The following LAMA1 variants were observed in gnomAD, a reference collection of about 807,000 sequenced individuals.
LAMA1 encodes the protein laminin subunit alpha 1.
In LAMA1, 219 loss-of-function variants were observed where a neutral mutation model predicts 348.7. The ratio of observed to expected loss-of-function variants is 0.63; its 90% CI spans 0.56 to 0.70. The LOEUF is 0.70. Among genes scored for constraint, LAMA1 ranks in the 30% least tolerant of loss-of-function variants. The probability of loss-of-function intolerance (pLI) is 0.00; values close to 1 mark genes in which losing one functional copy is unlikely to be tolerated. For missense variants in LAMA1, 3,744 were observed against 3,888.0 expected (o/e 0.96, Z 0.99); for synonymous variants, 1,487 against 1,491.0 (o/e 1.00, Z 0.06).
rs902096634 is a variant in LAMA1, at chr18:7,085,547, T to G, written c.62-5090A>C. 2.6e-5 allele frequency among the ~76,000 whole-genome samples: 4 copies of G among 151,206 alleles called. No homozygotes were observed. The Admixed American group carries it at 2.6e-4, about 10-fold the overall frequency. On this transcript the variant is annotated intron_variant, in intron 1 of 62. Transcript: ENST00000389658. The stretch of plus-strand genomic sequence containing the variant: ...CATTCTCCTGTCTCAGCCTCCAGAG[T>G]AGCTGGGACTATAGGCACCCGCCAC...
intron 20 of LAMA1, among the ~76,000 whole-genome samples, chr18:7,017,022 C>T (rs2057891552): frequency 6.6e-6 from 1 of 152,192 alleles, no homozygotes; most frequent in Non-Finnish European, 1.5e-5. Flanking sequence ...TTGACAGTTA[C>T]TCTCTCCTGC....
rs748191963 is a variant in LAMA1 at position 6,999,469 on chromosome 18, T to C, written c.4639A>G (p.Ile1547Val). The C allele has an allele frequency of 6.2e-7, 1 of 1,614,108 alleles. No homozygotes were observed. Among genetic ancestry groups the C allele is most frequent in the East Asian group, 2.2e-5 (1 of 44,886 alleles). ...CAAACACAATCTGTTTCCATCAGAA[T>C]GTGCCTCGGTTCACACTCATCGCAC... ...LRCDECEPRHILMETDCVSCD... is the reference protein window; with the variant it reads ...LRCDECEPRHVLMETDCVSCD... The change falls in exon 32 of 63, where the codon ATT becomes GTT. Residue 1547 changes from isoleucine to valine, a missense_variant. Around this residue, in one of 3 missense-constraint regions of LAMA1, gnomAD observed 1,983 missense variants for 1,934.3 expected, o/e 1.03. Transcript: ENST00000389658.
Position 7,049,111 on chromosome 18 carries a change from T to C in LAMA1, c.735A>G (p.Glu245=). ...TAACAATAGGATCCAGTTCTTTAGG[T>C]TCCCGGTGGCTAAGGGTCATGAGAT... ...NADLMTLSHR[E]PKELDPIVTR... is the part of the protein sequence containing the mutation. The change falls in exon 5 of 63, where the codon GAA becomes GAG. Residue 245 remains glutamate (E), a synonymous_variant. Coordinates refer to ENST00000389658, the MANE Select transcript of LAMA1 (RefSeq NM_005559.4). 6.2e-7 allele frequency: 1 copy of C among 1,614,142 alleles called. No individual in the cohort carries two copies. The highest frequency in any genetic ancestry group is 8.5e-7 in the Non-Finnish European group (1 of 1,180,016).
chr18:7,091,935 G>C (rs1412734155), intron 1 of LAMA1, among the ~76,000 whole-genome samples: 1 of 152,174 alleles, frequency 6.6e-6, no homozygotes, highest in Admixed American at 6.5e-5. Flanking sequence ...AAGGTGGCTG[G>C]ATCCACAGGA....
chr18:6,980,143 G>A (rs1185790542), intron 42 of LAMA1, among the ~76,000 whole-genome samples: 2 of 152,182 alleles, frequency 1.3e-5, no homozygotes, highest in Non-Finnish European at 2.9e-5. Context: ...TCGCCACACT[G>A]ATAATGAATC....
In LAMA1 at chr18:7,015,795, G is replaced by C. The variant is rs767646512; in HGVS notation, c.3053C>G (p.Pro1018Arg). The C allele has an allele frequency of 1.9e-6, 3 of 1,614,016 alleles. No individual in the cohort carries two copies. Among genetic ancestry groups the C allele is most frequent in the South Asian group, 1.1e-5 (1 of 91,076 alleles). The stretch of plus-strand genomic sequence containing the variant: ...TTCACACTTCACACCCTGTGTGTGA[G>C]GGGGGCAGACACACTCTCCAGTTTC... ...DPETGECVCP[P>R]HTQGVKCEEC... Residue 1018 changes from proline to arginine, a missense_variant, in exon 22 of 63, where the codon CCT becomes CGT. This residue lies in a region of LAMA1 where 1,529 missense variants were observed against 1,689.4 expected (regional missense o/e 0.91). Coordinates refer to ENST00000389658, the MANE Select transcript of LAMA1 (RefSeq NM_005559.4).
chr18:6,955,291 G>A, intron 57 of LAMA1, 62 bp downstream of exon 57: 2 of 1,274,626 alleles, frequency 1.6e-6, no homozygotes, highest in Non-Finnish European at 2.3e-6. Context: ...CTCTGTGGCT[G>A]CAGAACACCC....
chr18:6,965,436 TAA>T lies in LAMA1; in HGVS notation c.7051-6_7051-5del, dbSNP rs1600354750. The stretch of plus-strand genomic sequence containing the variant: ...GCTCGATGGATAAAAAGTCTTTCTG[TAA>T]AAAAGAGAACACAGTTCCCCAGGTT... On this transcript the variant is annotated splice_polypyrimidine_tract_variant and splice_region_variant and intron_variant, in intron 49 of 62. Transcript: ENST00000389658. 2 of 1,614,018 alleles carry T rather than the reference TAA, an allele frequency of 1.2e-6. No individual in the cohort carries two copies. The highest frequency in any genetic ancestry group is 3.3e-4 in the Middle Eastern group (2 of 6,060).
At position 6,999,785 on chromosome 18, in the gene LAMA1, T is replaced by C. The variant is rs951341477; in HGVS notation, c.4469+126A>G. The C allele has an allele frequency of 3.4e-6, 4 of 1,176,944 alleles. No homozygotes were observed. In the African/African-American group the frequency reaches 6.1e-5, roughly 18 times the overall value. The allele number at this position is 1,176,944 out of a possible 1,614,324, so 72.9% of individuals were successfully genotyped here. A position where few individuals can be genotyped will look rare whatever the true frequency, so the allele number is the denominator to read the frequency against. On this transcript the variant is annotated intron_variant, in intron 31 of 62. Coordinates refer to ENST00000389658, the MANE Select transcript of LAMA1 (RefSeq NM_005559.4). ...GTTCTGGAACAGTAATGAGGTCTTA[T>C]TTCAATCAAGCACATCCAAACTGAT...
chr18:7,051,434 C>G (rs1319797194), intron 3 of LAMA1, among the ~76,000 whole-genome samples: 1 of 152,016 alleles, frequency 6.6e-6, no homozygotes, highest in East Asian at 1.9e-4. Context: ...CATTGGTTGC[C>G]AAAATCGAAG....
At chr18:7,061,776 G>A (rs1021512002) in intron 3 of LAMA1, among the ~76,000 whole-genome samples, 2 of 152,142 alleles carry the variant, frequency 1.3e-5, no homozygotes, top group African/African-American at 4.8e-5. Context: ...GGGCGCGGTG[G>A]AGGCCTGCTC....
intron 36 of LAMA1, among the ~76,000 whole-genome samples, chr18:6,990,584 C>T (rs978921976): frequency 2.0e-5 from 3 of 152,106 alleles, no homozygotes; most frequent in Non-Finnish European, 4.4e-5. Context: ...GCAGGACTAA[C>T]GTTCGCACCT....
At position 7,080,051 on chromosome 18, in the gene LAMA1, T is replaced by C. The variant is rs375957953; in HGVS notation, c.269A>G (p.Asn90Ser). 9.0e-5 allele frequency: 145 copies of C among 1,613,952 alleles called. No homozygotes were observed. The highest frequency in any genetic ancestry group is 1.2e-4 in the Non-Finnish European group (139 of 1,179,896). ...HPISHAIDGT[N>S]NWWQSPSIQN... ...AATGCTGGGACTTTGCCACCAGTTA[T>C]TGGTGCCATCTATGGCATGTGATAT... Residue 90 changes from asparagine (N) to serine (S), a missense_variant, in exon 3 of 63, where the codon AAT becomes AGT. Physicochemically the swap from Asn to Ser is conservative, Grantham distance 46. Transcript: ENST00000389658.
At chr18:7,077,359 G>A (rs570972892) in intron 3 of LAMA1, among the ~76,000 whole-genome samples, 7 of 151,718 alleles carry the variant, frequency 4.6e-5, no homozygotes, top group Non-Finnish European at 1.0e-4. Flanking sequence ...CCACCACCAC[G>A]CCTGGCTCAT....
rs1334556416 is a variant in LAMA1, at chr18:6,942,258, A to G, written c.9068-19T>C. 1.9e-6 allele frequency: 3 copies of G among 1,613,486 alleles called. No individual in the cohort carries two copies. Among genetic ancestry groups the G allele is most frequent in the Non-Finnish European group, 2.5e-6 (3 of 1,179,960 alleles). ...ACACCAGCTGTTCAGGAAAGAAGAGAAGACAAATCTTGCTTAATTTTGTTG... is the reference window on the plus strand; with the variant it reads ...ACACCAGCTGTTCAGGAAAGAAGAGGAGACAAATCTTGCTTAATTTTGTTG... On this transcript the variant is annotated intron_variant, in intron 62 of 62. Transcript: ENST00000389658.
intron 5 of LAMA1, among the ~76,000 whole-genome samples, chr18:7,048,857 G>A (rs2058051875): frequency 6.6e-6 from 1 of 152,088 alleles, no homozygotes; most frequent in Non-Finnish European, 1.5e-5. Flanking sequence ...TGGGGACGGG[G>A]TGGGTGAGGG....
chr18:7,038,172 T>C (rs72887927), intron 11 of LAMA1, among the ~76,000 whole-genome samples: 13,114 of 152,202 alleles, frequency 0.086, 726 homozygotes, highest in Non-Finnish European at 0.12. Context: ...ATACTCCCAA[T>C]GCGTCACCGA....
intron 3 of LAMA1, among the ~76,000 whole-genome samples, chr18:7,058,285 T>C (rs558361794): frequency 6.6e-6 from 1 of 152,258 alleles, no homozygotes; most frequent in Admixed American, 6.5e-5. Flanking sequence ...AAGACTTCCT[T>C]AGGATGCTGG....
chr18:7,040,876 G>C (rs2058017558), intron 9 of LAMA1, among the ~76,000 whole-genome samples: 1 of 152,142 alleles, frequency 6.6e-6, no homozygotes, highest in South Asian at 2.1e-4. Flanking sequence ...TATACTAAAT[G>C]AAAGAAGCCA....
Sources: gnomAD v4.1 joint callset for allele counts (sites outside exome capture counted in the v4.1 genomes callset) on GRCh38, gnomAD v4.1.1 for gene constraint, gnomAD v4.1.1 regional missense constraint, MANE v1.5 for transcripts, NCBI Gene and HGNC (gene_info 2026-07-23, HGNC 2026-07-21) for gene names.